CDH23: variants seen among roughly 807,000 people sequenced by gnomAD.
CDH23 encodes the protein cadherin related 23.
A neutral mutation model predicts 317.1 loss-of-function variants in CDH23; 189 were observed. The observed-to-expected ratio is 0.60, with a 90% confidence interval of 0.53 to 0.67. CDH23 has a LOEUF of 0.67. Among genes scored for constraint, CDH23 ranks in the 30% least tolerant of loss-of-function variants. CDH23 has a pLI of 0.00. For synonymous variants in CDH23, 1,839 were observed against 1,876.8 expected, an observed-to-expected ratio of 0.98 and a Z score of 0.52; for missense variants, 4,401 against 4,592.4, an observed-to-expected ratio of 0.96 and a Z score of 1.20.
At chr10:71,479,647 C>A (rs1851970864) in intron 3 of CDH23, among the ~76,000 whole-genome samples, 1 of 152,026 alleles carries the variant, frequency 6.6e-6, no homozygotes. Context: ...CACATCTTAC[C>A]CAGGTTATTG....
At position 71,629,652 on chromosome 10, in the gene CDH23, C is replaced by T. The variant is rs144854050; in HGVS notation, c.1134+12259C>T. On this transcript the variant is annotated intron_variant, in intron 11 of 69. Transcript: ENST00000224721. ...GAATGTGATGCCTTCATGCGGTGGG[C>T]CATTATTCAGCCATTGCAGGAGTGA... Among the ~76,000 whole-genome samples the T allele has an allele frequency of 8.5e-4, 130 of 152,298 alleles. 1 individual carries two copies. Among genetic ancestry groups the T allele is most frequent in the Middle Eastern group, 3.4e-3 (1 of 294 alleles).
chr10:71,680,823 C>CTTT (rs1864605905), intron 17 of CDH23, among the ~76,000 whole-genome samples: 3 of 41,434 alleles, frequency 7.2e-5, no homozygotes, highest in Non-Finnish European at 1.1e-4. Flanking sequence ...TTTTTTTTTT[C>CTTT]TTTTTCTTTT....
At chr10:71,425,395 G>GGAAGGAAGGAA (rs1849026784) in intron 1 of CDH23, among the ~76,000 whole-genome samples, 1 of 147,514 alleles carries the variant, frequency 6.8e-6, no homozygotes, top group Admixed American at 6.8e-5. Flanking sequence ...AAGGAAGGAA[G>GGAAGGAAGGAA]GAAGGAAGGA....
At chr10:71,691,749 G>A (rs1285381746) in intron 20 of CDH23, among the ~76,000 whole-genome samples, 2 of 152,212 alleles carry the variant, frequency 1.3e-5, no homozygotes, top group African/African-American at 2.4e-5. Context: ...AAGGGAGCAG[G>A]AATCTTTGGT....
At chr10:71,571,001 A>T in intron 8 of CDH23, 83 bp downstream of exon 8, 1 of 1,519,316 alleles carries the variant, frequency 6.6e-7, no homozygotes. Flanking sequence ...GGGCCCTGTT[A>T]GTGGGCTGGG....
chr10:71,488,143 G>A (rs1204097298), intron 3 of CDH23, among the ~76,000 whole-genome samples: 2 of 152,228 alleles, frequency 1.3e-5, no homozygotes, highest in East Asian at 1.9e-4. Flanking sequence ...GTGGGAGATG[G>A]ACCATCAACA....
Position 71,670,928 on chromosome 10 carries a change from T to C in CDH23, c.1450-4184T>C, listed in dbSNP as rs572072573. ...CCAGAGGGAGGAGCCTGGAGCACAG[T>C]TGAGGTGCTCACCTGGAGCCCTGAT... On this transcript the variant is annotated intron_variant, in intron 14 of 69. Coordinates refer to ENST00000224721, the MANE Select transcript of CDH23 (RefSeq NM_022124.6). Among the ~76,000 whole-genome samples, 16 of 151,074 alleles carry C rather than the reference T, an allele frequency of 1.1e-4. No homozygotes were observed. The East Asian group carries it at 2.1e-3, about 20-fold the overall frequency.
chr10:71,730,498 T>C lies in CDH23; in HGVS notation c.3609T>C (p.Asp1203=), dbSNP rs1589380949. The change falls in exon 31 of 70, where the codon GAT becomes GAC. Residue 1203 remains aspartate (D), a synonymous_variant. Coordinates refer to ENST00000224721, the MANE Select transcript of CDH23 (RefSeq NM_022124.6). ...TTGTGTACGTGGAGGACATCAACGA[T>C]GAGGCCCCCGTGTTCACACAGCAGC... ...RVIVYVEDIN[D]EAPVFTQQQY... is the part of the protein sequence containing the mutation. 3 of 1,613,762 alleles carry C rather than the reference T, an allele frequency of 1.9e-6. No individual in the cohort carries two copies. Among genetic ancestry groups the C allele is most frequent in the African/African-American group, 2.7e-5 (2 of 74,910 alleles).
intron 42 of CDH23, 115 bp from the exon 43 acceptor site, chr10:71,784,776 G>T: frequency 1.3e-6 from 1 of 761,604 alleles, no homozygotes; most frequent in Non-Finnish European, 2.3e-6. Flanking sequence ...TCTTCTCCAT[G>T]ACCAACTGCA....
chr10:71,785,743 G>A lies in CDH23; in HGVS notation c.5820+5G>A, dbSNP rs2132940635. 1 of 1,565,024 alleles carries A rather than the reference G, an allele frequency of 6.4e-7. No individual in the cohort carries two copies. Among genetic ancestry groups the A allele is most frequent in the Non-Finnish European group, 8.8e-7 (1 of 1,142,854 alleles). On this transcript the variant is annotated splice_donor_5th_base_variant and intron_variant, in intron 44 of 69. Coordinates refer to ENST00000224721, the MANE Select transcript of CDH23 (RefSeq NM_022124.6). Reference sequence around the variant, plus strand: ...AATCCACGCATAGCCAGGAGGGTGAGACTGGAGGGCACTGGTGGGAGTGGG... The same window carrying A: ...AATCCACGCATAGCCAGGAGGGTGAAACTGGAGGGCACTGGTGGGAGTGGG...
intron 6 of CDH23, among the ~76,000 whole-genome samples, chr10:71,522,787 T>C (rs1485818815): frequency 4.0e-5 from 6 of 151,818 alleles, no homozygotes; most frequent in African/African-American, 1.5e-4. Context: ...GTGAATGGGA[T>C]GGGGAAAAAA....
chr10:71,611,667 A>G (rs1860903208), intron 9 of CDH23, among the ~76,000 whole-genome samples: 1 of 152,216 alleles, frequency 6.6e-6, no homozygotes, highest in Admixed American at 6.5e-5. Flanking sequence ...TCACACAGCC[A>G]GTAAGTAGCA....
At chr10:71,580,309 C>T (rs1484187100) in intron 9 of CDH23, among the ~76,000 whole-genome samples, 1 of 152,232 alleles carries the variant, frequency 6.6e-6, no homozygotes, top group African/African-American at 2.4e-5. Flanking sequence ...TCTCCTGGGA[C>T]AGGCTCCCAA....
At position 71,396,920 on chromosome 10, in the gene CDH23, G is replaced by T; in HGVS notation, c.-404G>T. ...GGGGCGGGGGAAGCAAGGGAAAGTT[G>T]ATCGCGGACTTGAGCGGCGGCGGCG... is the stretch of plus-strand genomic sequence containing the variant. On this transcript the variant is annotated 5_prime_UTR_variant, in exon 1 of 70. Coordinates refer to ENST00000224721, the MANE Select transcript of CDH23 (RefSeq NM_022124.6). The surrounding 1 kb of genome is among the most constrained non-coding windows in gnomAD (Gnocchi z 4.2). 1.3e-5 allele frequency: 2 copies of T among 153,172 alleles called. No homozygotes were observed. The highest frequency in any genetic ancestry group is 3.7e-4 in the South Asian group (2 of 5,366). The allele number at this position is 153,172 out of a possible 1,614,324, so 9.5% of individuals were successfully genotyped here.
intron 11 of CDH23, among the ~76,000 whole-genome samples, chr10:71,633,418 G>A (rs183238953): frequency 9.9e-5 from 15 of 151,878 alleles, no homozygotes; most frequent in Admixed American, 2.0e-4. Flanking sequence ...ACACATACAC[G>A]CCCCACGCCC....
At chr10:71,480,863 T>C (rs945965012) in intron 3 of CDH23, among the ~76,000 whole-genome samples, 7 of 151,582 alleles carry the variant, frequency 4.6e-5, no homozygotes, top group Non-Finnish European at 8.8e-5. Context: ...AAAGGAATGA[T>C]ATGAGGGAGA....
intron 38 of CDH23, among the ~76,000 whole-genome samples, chr10:71,769,755 T>A (rs976123010): frequency 6.6e-6 from 1 of 152,248 alleles, no homozygotes; most frequent in African/African-American, 2.4e-5. Context: ...GCTAAAGGAA[T>A]GGGCTTGCTT....
At chr10:71,552,734 G>A (rs1856666527) in intron 6 of CDH23, among the ~76,000 whole-genome samples, 1 of 152,140 alleles carries the variant, frequency 6.6e-6, no homozygotes, top group Admixed American at 6.5e-5. Flanking sequence ...GGACCGGAAA[G>A]CCAAAAAGCT....
chr10:71,510,712 A>C (rs1047757427), intron 4 of CDH23, among the ~76,000 whole-genome samples: 1 of 152,186 alleles, frequency 6.6e-6, no homozygotes, highest in Non-Finnish European at 1.5e-5. Flanking sequence ...GGCAGAGCCA[A>C]GACTAGCACC....
Sources: allele counts gnomAD v4.1 joint callset (sites outside exome capture counted in the v4.1 genomes callset), GRCh38; gene constraint gnomAD v4.1.1; non-coding constraint Gnocchi (gnomAD v3.1); transcripts MANE v1.5; gene names NCBI Gene and HGNC (gene_info 2026-07-23, HGNC 2026-07-21).